The following XKR6 variants were observed in gnomAD, a reference collection of about 807,000 sequenced individuals.
XKR6 encodes the protein XK related 6, also known as XK-related protein 6.
XKR6 carries 22 observed loss-of-function variants against 56.7 expected under a neutral mutation model. That is an observed-to-expected ratio of 0.39 (90% CI 0.28 to 0.55). XKR6 has a LOEUF of 0.55. XKR6 is among the 20% of genes least tolerant of loss of function. The probability of loss-of-function intolerance (pLI) is 0.66; values close to 1 mark genes in which losing one functional copy is unlikely to be tolerated. For synonymous variants in XKR6, 524 were observed against 387.8 expected, an observed-to-expected ratio of 1.35 and a Z score of -4.13; for missense variants, 852 against 889.0, an observed-to-expected ratio of 0.96 and a Z score of 0.53.
chr8:10,989,353 TC>T (rs1797935989), intron 1 of XKR6, among the ~76,000 whole-genome samples: 1 of 152,216 alleles, frequency 6.6e-6, no homozygotes, highest in East Asian at 1.9e-4. Flanking sequence ...GAAGGGCCAT[TC>T]CATGGTGATT....
intron 2 of XKR6, among the ~76,000 whole-genome samples, chr8:10,909,472 TCTA>T (rs1407162969): frequency 2.0e-4 from 30 of 152,356 alleles, no homozygotes; most frequent in African/African-American, 7.2e-4. Context: ...GTTTTTTATT[TCTA>T]CTATGTTCCA....
chr8:11,131,410 T>A (rs1163086505), intron 1 of XKR6, among the ~76,000 whole-genome samples: 2 of 147,844 alleles, frequency 1.4e-5, no homozygotes, highest in African/African-American at 2.5e-5. Context: ...GATGAAATCA[T>A]TTTTTTTGAG....
intron 1 of XKR6, among the ~76,000 whole-genome samples, chr8:11,162,103 G>C (rs924055449): frequency 1.3e-5 from 2 of 152,168 alleles, no homozygotes; most frequent in African/African-American, 4.8e-5. Context: ...GACCAAGATA[G>C]AAAGCTTTTT....
intron 1 of XKR6, among the ~76,000 whole-genome samples, chr8:11,083,613 G>T (rs1259211596): frequency 6.6e-6 from 1 of 152,240 alleles, no homozygotes; most frequent in Non-Finnish European, 1.5e-5. Flanking sequence ...TCAATGAGGA[G>T]AGAGGACAGG....
intron 1 of XKR6, among the ~76,000 whole-genome samples, chr8:11,000,221 C>T (rs1452126859): frequency 6.6e-6 from 1 of 152,206 alleles, no homozygotes; most frequent in Non-Finnish European, 1.5e-5. Context: ...AACCTAGAAG[C>T]TCCTTCAAAG....
intron 1 of XKR6, among the ~76,000 whole-genome samples, chr8:11,019,502 A>T (rs1586438484): frequency 6.6e-6 from 1 of 152,146 alleles, no homozygotes; most frequent in African/African-American, 2.4e-5. Flanking sequence ...TCCTCTGGGG[A>T]TGGAGACAGG....
intron 1 of XKR6, among the ~76,000 whole-genome samples, chr8:11,103,509 T>C (rs550916899): frequency 7.9e-5 from 12 of 152,188 alleles, no homozygotes; most frequent in Non-Finnish European, 1.5e-4. Flanking sequence ...TCTCAATATT[T>C]TCTAGATTCC....
chr8:11,069,246 A>T (rs540155337), intron 1 of XKR6, among the ~76,000 whole-genome samples: 1 of 152,154 alleles, frequency 6.6e-6, no homozygotes, highest in East Asian at 1.9e-4. Flanking sequence ...ATGCCAAAAA[A>T]AAAAAAAATC....
chr8:10,963,908 C>G (rs945232843), intron 1 of XKR6, among the ~76,000 whole-genome samples: 2 of 152,214 alleles, frequency 1.3e-5, no homozygotes, highest in African/African-American at 4.8e-5. Flanking sequence ...GTCCTGGATT[C>G]AAATCCCAGC....
rs548641440 is a variant in XKR6 at position 11,145,774 on chromosome 8, T to C, written c.764+54802A>G. 9.2e-5 allele frequency among the ~76,000 whole-genome samples: 14 copies of C among 152,290 alleles called. No individual in the cohort carries two copies. The South Asian group carries it at 2.9e-3, about 32-fold the overall frequency. On this transcript the variant is annotated intron_variant, in intron 1 of 2. Coordinates refer to ENST00000416569, the MANE Select transcript of XKR6 (RefSeq NM_173683.4). ...TTTAATATTGTCATGATTTCAATTCTTCCAAAACTGATCTGCTAACTCAAC... is the reference window on the plus strand; with the variant it reads ...TTTAATATTGTCATGATTTCAATTCCTCCAAAACTGATCTGCTAACTCAAC...
intron 1 of XKR6, among the ~76,000 whole-genome samples, chr8:10,951,940 G>C (rs1026348980): frequency 1.3e-5 from 2 of 152,198 alleles, no homozygotes; most frequent in Admixed American, 6.5e-5. Flanking sequence ...GGAGAACCAA[G>C]AGGCCACAGC....
intron 1 of XKR6, among the ~76,000 whole-genome samples, chr8:11,116,743 C>T (rs1799195917): frequency 6.6e-6 from 1 of 152,110 alleles, no homozygotes; most frequent in Admixed American, 6.5e-5. Flanking sequence ...CTCAGATGTC[C>T]CCCTTACATC....
intron 1 of XKR6, among the ~76,000 whole-genome samples, chr8:10,983,376 G>C (rs1217353983): frequency 1.3e-5 from 2 of 152,026 alleles, no homozygotes; most frequent in Non-Finnish European, 2.9e-5. Context: ...AAGCCTGCAA[G>C]GCCTATTTGC....
chr8:10,948,175 G>A (rs1429287101), intron 1 of XKR6, among the ~76,000 whole-genome samples: 2 of 152,146 alleles, frequency 1.3e-5, no homozygotes, highest in East Asian at 1.9e-4. Flanking sequence ...CCCAGCTACG[G>A]GTGAAGAGGC....
chr8:11,167,154 C>A (rs4841504), intron 1 of XKR6, among the ~76,000 whole-genome samples: 74,463 of 151,966 alleles, frequency 0.49, 19,564 homozygotes, highest in African/African-American at 0.62. Flanking sequence ...TGCACCTAAA[C>A]CATCAAAAAA....
intron 1 of XKR6, among the ~76,000 whole-genome samples, chr8:11,177,416 C>G (rs750420101): frequency 1.3e-5 from 2 of 152,132 alleles, no homozygotes; most frequent in Admixed American, 6.5e-5. Flanking sequence ...GTTTCAAAAC[C>G]CATTATGCTA....
At chr8:11,052,527 A>T (rs1349309543) in intron 1 of XKR6, among the ~76,000 whole-genome samples, 1 of 152,022 alleles carries the variant, frequency 6.6e-6, no homozygotes, top group African/African-American at 2.4e-5. Flanking sequence ...TGAATGGGTG[A>T]GTTGGTGAAG....
chr8:11,141,993 T>C (rs1249648386), intron 1 of XKR6, among the ~76,000 whole-genome samples: 2 of 149,802 alleles, frequency 1.3e-5, no homozygotes, highest in Non-Finnish European at 3.0e-5. Flanking sequence ...ATAAGATTTG[T>C]CCATTTTTTT....
chr8:11,137,965 CT>C, intron 1 of XKR6: 1 of 327,492 alleles, frequency 3.1e-6, no homozygotes, highest in South Asian at 2.5e-5. Context: ...GGCTCATTCT[CT>C]CTAATGCCCT....
Sources: allele counts gnomAD v4.1 joint callset (sites outside exome capture counted in the v4.1 genomes callset), GRCh38; gene constraint gnomAD v4.1.1; transcripts MANE v1.5; gene names NCBI Gene and HGNC (gene_info 2026-07-23, HGNC 2026-07-21).